PNPT1: variants seen among roughly 807,000 people sequenced by gnomAD.
PNPT1 encodes polyribonucleotide nucleotidyltransferase 1, mitochondrial.
A neutral mutation model predicts 119.5 loss-of-function variants in PNPT1; 53 were observed. The ratio of observed to expected loss-of-function variants is 0.44; its 90% confidence interval spans 0.36 to 0.56. PNPT1 has a LOEUF of 0.56. PNPT1 is among the 20% of genes least tolerant of loss of function. The probability of loss-of-function intolerance (pLI) is 0.00; values close to 1 mark genes in which losing one functional copy is unlikely to be tolerated. For synonymous variants in PNPT1, 357 were observed against 322.1 expected (o/e 1.11, Z -1.16); for missense variants, 948 against 938.5 (o/e 1.01, Z -0.13).
intron 1 of PNPT1, among the ~76,000 whole-genome samples, chr2:55,690,599 T>TC (rs1697565871): frequency 1.3e-5 from 2 of 152,256 alleles, no homozygotes; most frequent in Non-Finnish European, 1.5e-5. Flanking sequence ...TAGACTCATT[T>TC]TGTTAAGTTT....
At chr2:55,687,409 C>T (rs1572837480) in intron 2 of PNPT1, among the ~76,000 whole-genome samples, 2 of 149,916 alleles carry the variant, frequency 1.3e-5, no homozygotes, top group South Asian at 2.1e-4. Context: ...CACTGCACTC[C>T]GGCCTGGAGA....
chr2:55,689,693 G>A (rs1032855305), intron 1 of PNPT1, among the ~76,000 whole-genome samples: 1 of 152,180 alleles, frequency 6.6e-6, no homozygotes, highest in Non-Finnish European at 1.5e-5. Context: ...CTGGGGCTGG[G>A]GAGAAACGCT....
chr2:55,690,013 G>A (rs1697541320), intron 1 of PNPT1, among the ~76,000 whole-genome samples: 1 of 152,026 alleles, frequency 6.6e-6, no homozygotes, highest in Non-Finnish European at 1.5e-5. Flanking sequence ...GTAGAGATGA[G>A]GTCTCACTAT....
chr2:55,667,868 T>C lies in PNPT1; in HGVS notation c.1067A>G (p.Tyr356Cys). The change falls in exon 12 of 28, where the codon TAC (tyrosine) becomes TGC (cysteine). Residue 356 changes from tyrosine to cysteine, a missense_variant. Tyr to Cys is a radical substitution (Grantham distance 194). Coordinates refer to ENST00000447944, the MANE Select transcript of PNPT1 (RefSeq NM_033109.5). Reference protein sequence around the residue: ...EVFRSIVLNEYKRCDGRDLTS... With the variant: ...EVFRSIVLNECKRCDGRDLTS... ...CAAAAAAGGGTATGTTTACCTTTTG[T>C]ATTCATTCAAAACAATACTTCTAAA... 1 of 1,599,916 alleles carries C rather than the reference T, an allele frequency of 6.3e-7. No individual in the cohort carries two copies. Among genetic ancestry groups the C allele is most frequent in the Non-Finnish European group, 8.5e-7 (1 of 1,176,156 alleles).
chr2:55,684,668 A>G (rs1225160088), intron 4 of PNPT1, among the ~76,000 whole-genome samples: 3 of 152,282 alleles, frequency 2.0e-5, no homozygotes, highest in Non-Finnish European at 4.4e-5. Flanking sequence ...CATATGCTCA[A>G]TAGAGATTTA....
At chr2:55,637,778 A>G (rs1695720426) in intron 26 of PNPT1, among the ~76,000 whole-genome samples, 179 bp from the exon 27 acceptor site, 7 of 151,836 alleles carry the variant, frequency 4.6e-5, no homozygotes, top group Admixed American at 4.6e-4. Context: ...GGGCAGATCA[A>G]GAGGTCAGGA....
chr2:55,677,370 G>C (rs1384971725), intron 8 of PNPT1, among the ~76,000 whole-genome samples: 1 of 152,112 alleles, frequency 6.6e-6, no homozygotes, highest in Non-Finnish European at 1.5e-5. Context: ...GAAGCGGGCA[G>C]ATCACTTGAG....
At chr2:55,653,854 TGTTAA>T (rs1186246771) in intron 18 of PNPT1, among the ~76,000 whole-genome samples, 37 of 152,328 alleles carry the variant, frequency 2.4e-4, no homozygotes, top group African/African-American at 8.4e-4. Context: ...ACTGTAAATG[TGTTAA>T]GTTATCAGAG....
At chr2:55,676,862 CAA>C (rs1233955537) in intron 8 of PNPT1, among the ~76,000 whole-genome samples, 54 of 103,624 alleles carry the variant, frequency 5.2e-4, no homozygotes, top group Middle Eastern at 5.0e-3. Flanking sequence ...ACCTGGTCTC[CAA>C]AAAAAAAAAA....
intron 8 of PNPT1, among the ~76,000 whole-genome samples, chr2:55,679,458 A>C (rs2104152106): frequency 6.6e-6 from 1 of 152,278 alleles, no homozygotes; most frequent in Non-Finnish European, 1.5e-5. Flanking sequence ...TACTGAAATG[A>C]TCTTGGTAAA....
intron 13 of PNPT1, among the ~76,000 whole-genome samples, chr2:55,662,362 T>C (rs1696605374): frequency 6.6e-6 from 1 of 152,026 alleles, no homozygotes; most frequent in African/African-American, 2.4e-5. Flanking sequence ...GTTCAGCCAA[T>C]ACAACTGCCT....
intron 11 of PNPT1, 28 bp downstream of exon 11, chr2:55,671,291 A>G: frequency 7.5e-7 from 1 of 1,329,184 alleles, no homozygotes; most frequent in Middle Eastern, 2.6e-4. Context: ...CTCAGCAAAA[A>G]AATAAAATAA....
At chr2:55,646,978 GGT>G (rs1158568659) in intron 19 of PNPT1, among the ~76,000 whole-genome samples, 2 of 152,086 alleles carry the variant, frequency 1.3e-5, no homozygotes, top group Non-Finnish European at 2.9e-5. Flanking sequence ...TGGGATTACA[GGT>G]GTGTGCCACC....
Position 55,683,839 on chromosome 2 carries a change from C to G in PNPT1, c.404-5G>C. The G allele has an allele frequency of 6.2e-7, 1 of 1,607,598 alleles. No individual in the cohort carries two copies. The highest frequency in any genetic ancestry group is 8.5e-7 in the Non-Finnish European group (1 of 1,177,222). ...AGAGCGGTCTAATTGAACGATCTGC[C>G]AAAAGAAAAAAAAACACATTAAACC... On this transcript the variant is annotated splice_polypyrimidine_tract_variant and splice_region_variant and intron_variant, in intron 4 of 27. Transcript: ENST00000447944.
chr2:55,688,089 G>A (rs1192656361), intron 1 of PNPT1, among the ~76,000 whole-genome samples: 1 of 151,262 alleles, frequency 6.6e-6, no homozygotes, highest in Non-Finnish European at 1.5e-5. Context: ...TGTTGCCCAG[G>A]CTGGAATGCA....
chr2:55,679,856 T>G, intron 7 of PNPT1, 61 bp from the exon 8 acceptor site: 1 of 1,161,326 alleles, frequency 8.6e-7, no homozygotes, highest in South Asian at 1.4e-5. Context: ...CAAGACATTA[T>G]TCCAGTCATG....
intron 1 of PNPT1, among the ~76,000 whole-genome samples, chr2:55,691,170 C>A (rs552893136): frequency 6.6e-6 from 1 of 152,334 alleles, no homozygotes; most frequent in South Asian, 2.1e-4. Flanking sequence ...TTCTACTCTA[C>A]TAACGGGGCT....
intron 1 of PNPT1, among the ~76,000 whole-genome samples, chr2:55,691,848 TTATATATATATATATATA>T (rs869195974): frequency 5.7e-5 from 5 of 87,268 alleles, no homozygotes; most frequent in South Asian, 5.5e-4. Context: ...TTAAAAATGT[TTATATATATATATATATA>T]TATATATATA....
intron 5 of PNPT1, among the ~76,000 whole-genome samples, chr2:55,682,876 C>A (rs191501178): frequency 6.6e-6 from 1 of 152,238 alleles, no homozygotes; most frequent in East Asian, 1.9e-4. Flanking sequence ...GCCAACTGTA[C>A]TCCAGCCTGG....
Sources: allele counts gnomAD v4.1 joint callset (sites outside exome capture counted in the v4.1 genomes callset), GRCh38; gene constraint gnomAD v4.1.1; transcripts MANE v1.5; gene names NCBI Gene and HGNC (gene_info 2026-07-23, HGNC 2026-07-21).